DHRS12: variants seen among roughly 807,000 people sequenced by gnomAD.
The protein encoded by DHRS12 is dehydrogenase/reductase SDR family member 12.
In DHRS12, 29 loss-of-function variants were observed where a neutral mutation model predicts 32.1. The ratio of observed to expected loss-of-function variants is 0.90; its 90% CI spans 0.67 to 1.23. The LOEUF (loss-of-function observed/expected upper bound fraction) is 1.23. DHRS12 is among the 50% of genes most tolerant of loss of function. DHRS12 has a pLI of 0.00. For synonymous variants in DHRS12, 150 were observed against 135.9 expected, an observed-to-expected ratio of 1.10 and a Z score of -0.72; for missense variants, 330 against 337.2, an observed-to-expected ratio of 0.98 and a Z score of 0.17.
chr13:51,801,787 G>A (rs1432575855), intron 1 of DHRS12, among the ~76,000 whole-genome samples: 1 of 149,404 alleles, frequency 6.7e-6, no homozygotes, highest in Admixed American at 6.6e-5. Flanking sequence ...CAGTCCACAG[G>A]GAACAGGCCT....
intron 5 of DHRS12, chr13:51,774,264 CTACAG>C (rs1269630340): frequency 1.2e-5 from 5 of 402,344 alleles, no homozygotes; most frequent in East Asian, 1.3e-4. Context: ...ATGTATTCTC[CTACAG>C]TATTCTCCTA....
chr13:51,801,731 G>A (rs896247561), intron 1 of DHRS12, among the ~76,000 whole-genome samples: 1 of 152,146 alleles, frequency 6.6e-6, no homozygotes, highest in Admixed American at 6.5e-5. Flanking sequence ...AGGCATTGTG[G>A]GGAATGAGTG....
intron 4 of DHRS12, among the ~76,000 whole-genome samples, chr13:51,786,697 A>C (rs1954973685): frequency 6.6e-6 from 1 of 152,232 alleles, no homozygotes; most frequent in South Asian, 2.1e-4. Context: ...TGGGTGCTGA[A>C]GGCATTTTGC....
the DHRS12 span, chr13:51,756,327 T>C: frequency 6.2e-7 from 1 of 1,612,734 alleles, no homozygotes. Context: ...ATCTCCCTCC[T>C]CCAGCACCAC....
chr13:51,779,814 C>T (rs2139086219), intron 4 of DHRS12, among the ~76,000 whole-genome samples: 1 of 152,262 alleles, frequency 6.6e-6, no homozygotes, highest in Non-Finnish European at 1.5e-5. Context: ...CCACACAAAA[C>T]CTAAGACACT....
chr13:51,769,604 A>C (rs984747181), intron 7 of DHRS12, among the ~76,000 whole-genome samples: 10 of 152,050 alleles, frequency 6.6e-5, no homozygotes, highest in African/African-American at 9.7e-5. Context: ...TTCCATCCTA[A>C]GAGAGGATTC....
chr13:51,758,068 G>T, the DHRS12 span: 1 of 490,558 alleles, frequency 2.0e-6, no homozygotes, highest in East Asian at 3.0e-5. Context: ...GATCTGAGGA[G>T]CATTCCTGTC....
intron 2 of DHRS12, among the ~76,000 whole-genome samples, chr13:51,793,086 C>T (rs556391147): frequency 2.0e-5 from 3 of 152,292 alleles, no homozygotes; most frequent in South Asian, 4.1e-4. Flanking sequence ...ACCTCCCCAG[C>T]AGGCTTAGAA....
At chr13:51,772,027 C>T (rs903847950) in intron 6 of DHRS12, 116 bp from the exon 7 acceptor site, 35 of 946,868 alleles carry the variant, frequency 3.7e-5, no homozygotes, top group Non-Finnish European at 4.8e-5. Flanking sequence ...GCAGTATGTA[C>T]GGCCACTTGA....
Position 51,768,252 on chromosome 13 carries a change from A to C in DHRS12, c.742T>G (p.Ser248Ala). ...AGTTTCTCCTCTTCGGCCGGTGAGG[A>C]GGACGCTGTAGCGAGAGGCAAGTGT... ...STHLPLATAS[S>A]SPAEEEKLIE... The change falls in exon 9 of 9, where the codon TCC becomes GCC. Residue 248 changes from serine to alanine, a missense_variant. Ser to Ala is a moderately conservative substitution (Grantham distance 99). Transcript: ENST00000444610. 6.5e-7 allele frequency: 1 copy of C among 1,536,092 alleles called. No individual in the cohort carries two copies. Among genetic ancestry groups the C allele is most frequent in the Non-Finnish European group, 8.7e-7 (1 of 1,146,910 alleles).
At chr13:51,764,689 GTTTC>G (rs1953692093), downstream of DHRS12, 1 of 152,232 alleles carries the variant, frequency 6.6e-6, no homozygotes, top group African/African-American at 2.4e-5. Context: ...AATAGTATCA[GTTTC>G]TTTTTCTTTG....
chr13:51,776,917 G>A (rs896065926), intron 5 of DHRS12, 143 bp downstream of exon 5: 56 of 886,574 alleles, frequency 6.3e-5, no homozygotes, highest in South Asian at 4.5e-4. Flanking sequence ...CTTCCCTCTC[G>A]GCCCCCTGAC....
At chr13:51,799,807 G>C (rs1955669577) in intron 1 of DHRS12, 140 bp from the exon 2 acceptor site, 3 of 942,102 alleles carry the variant, frequency 3.2e-6, no homozygotes, top group Admixed American at 2.5e-5. Flanking sequence ...TTTCTCCCTT[G>C]CCCTCCCTGC....
downstream of DHRS12, chr13:51,764,054 T>C (rs564987055): frequency 2.6e-5 from 4 of 152,350 alleles, no homozygotes; most frequent in African/African-American, 4.8e-5. Flanking sequence ...TAAAATAATA[T>C]TGAATTTTTC....
intron 2 of DHRS12, among the ~76,000 whole-genome samples, chr13:51,792,074 C>T (rs1484906687): frequency 1.3e-5 from 2 of 152,184 alleles, no homozygotes; most frequent in Non-Finnish European, 2.9e-5. Context: ...GTGCTAATGG[C>T]TCTTCAGGAT....
rs561992417 is a variant in DHRS12 at position 51,782,771 on chromosome 13, G to C, written c.302-5650C>G. 2.0e-5 allele frequency among the ~76,000 whole-genome samples: 3 copies of C among 152,268 alleles called. No individual in the cohort carries two copies. Among genetic ancestry groups the C allele is most frequent in the Middle Eastern group, 3.4e-3 (1 of 294 alleles). On this transcript the variant is annotated intron_variant, in intron 4 of 8. Transcript: ENST00000444610. This position sits in a 1 kb window ranked among gnomAD's most constrained non-coding sequence, Gnocchi z 4.2. ...AGGGAGAACCCGAGTATGGGCACTT[G>C]GGCCTCAGCTCATTAAAAGGACAAA...
At chr13:51,800,543 G>A (rs1234480604) in intron 1 of DHRS12, among the ~76,000 whole-genome samples, 1 of 152,182 alleles carries the variant, frequency 6.6e-6, no homozygotes, top group Non-Finnish European at 1.5e-5. Context: ...CTCACCTACG[G>A]AGCCGAGAGA....
Position 51,771,868 on chromosome 13 carries a change from G to C in DHRS12, c.512C>G (p.Pro171Arg). 6.2e-7 allele frequency: 1 copy of C among 1,614,080 alleles called. No homozygotes were observed. The highest frequency in any genetic ancestry group is 8.5e-7 in the Non-Finnish European group (1 of 1,180,014). The change falls in exon 7 of 9, where the codon CCG (proline) becomes CGG (arginine). Residue 171 changes from proline (P) to arginine (R), a missense_variant. Pro to Arg is a moderately radical substitution (Grantham distance 103). Transcript: ENST00000444610. ...VLTERWAQGH[P>R]AIHFSSMHPG... ...ATGCATGGAAGAAAAATGGATGGCC[G>C]GGTGCCCTTGGGCCCACCGCTCCGT...
At chr13:51,761,967 G>C in the DHRS12 span, 4 of 152,200 alleles carry the variant, frequency 2.6e-5, no homozygotes, top group Non-Finnish European at 5.9e-5. Context: ...TAACTACTTT[G>C]AGTCTTTTCT....
Sources: allele counts gnomAD v4.1 joint callset (sites outside exome capture counted in the v4.1 genomes callset), GRCh38; gene constraint gnomAD v4.1.1; non-coding constraint Gnocchi (gnomAD v3.1); transcripts MANE v1.5; gene names NCBI Gene and HGNC (gene_info 2026-07-23, HGNC 2026-07-21).